Variants in ZBTB20 observed in about 807,000 individuals in gnomAD.
ZBTB20 encodes the protein zinc finger and BTB domain containing 20.
Under a neutral mutation model 56.9 loss-of-function variants are expected in ZBTB20, and 9 were observed. The ratio of observed to expected loss-of-function variants is 0.16; its 90% CI spans 0.10 to 0.28. ZBTB20 has a LOEUF of 0.28. ZBTB20 is among the 10% of genes least tolerant of loss of function. The pLI is 1.00. For missense variants in ZBTB20, 655 were observed against 1,003.0 expected, an observed-to-expected ratio of 0.65 and a Z score of 4.69; for synonymous variants, 417 against 420.7, an observed-to-expected ratio of 0.99 and a Z score of 0.11.
At chr3:114,811,218 T>C (rs1231584135) in intron 4 of ZBTB20, among the ~76,000 whole-genome samples, 1 of 152,164 alleles carries the variant, frequency 6.6e-6, no homozygotes, top group Non-Finnish European at 1.5e-5. Context: ...TGCCAGCTTA[T>C]TTTCTCACAG....
At chr3:114,641,657 A>C (rs890400883) in intron 6 of ZBTB20, among the ~76,000 whole-genome samples, 2 of 151,674 alleles carry the variant, frequency 1.3e-5, no homozygotes, top group African/African-American at 4.8e-5. Flanking sequence ...TAAAAAAGAG[A>C]TTCCTAGATC....
intron 4 of ZBTB20, among the ~76,000 whole-genome samples, chr3:114,883,485 C>G (rs535622673): frequency 9.9e-5 from 15 of 152,274 alleles, no homozygotes; most frequent in African/African-American, 3.6e-4. Context: ...GATTAATGCT[C>G]TCATATATAC....
At chr3:114,590,155 G>A (rs1385433910) in intron 6 of ZBTB20, among the ~76,000 whole-genome samples, 1 of 152,056 alleles carries the variant, frequency 6.6e-6, no homozygotes, top group Non-Finnish European at 1.5e-5. Flanking sequence ...TTCTTCACAA[G>A]TATTATAAAT....
chr3:114,775,167 T>C (rs974357689), intron 5 of ZBTB20, among the ~76,000 whole-genome samples: 13 of 152,024 alleles, frequency 8.6e-5, no homozygotes, highest in African/African-American at 3.1e-4. Flanking sequence ...TTTTCCTCAG[T>C]AAAATGCCAC....
intron 7 of ZBTB20, among the ~76,000 whole-genome samples, chr3:114,407,912 G>C (rs567828154): frequency 1.0e-5 from 1 of 97,026 alleles, no homozygotes; most frequent in Non-Finnish European, 1.9e-5. Flanking sequence ...ACCTATATGA[G>C]GGGGGGGAAA....
chr3:115,069,303 T>C (rs2082319856), intron 2 of ZBTB20, among the ~76,000 whole-genome samples: 1 of 152,154 alleles, frequency 6.6e-6, no homozygotes, highest in African/African-American at 2.4e-5. Context: ...TTTGTTTCTT[T>C]TTCCTTTGTT....
intron 1 of ZBTB20, among the ~76,000 whole-genome samples, chr3:115,128,380 T>G (rs1006811847): frequency 6.6e-6 from 1 of 152,024 alleles, no homozygotes; most frequent in Non-Finnish European, 1.5e-5. Context: ...AAAGCAAAGA[T>G]TGCCTGCATG....
intron 6 of ZBTB20, among the ~76,000 whole-genome samples, chr3:114,560,814 G>A (rs1392465152): frequency 6.6e-6 from 1 of 152,204 alleles, no homozygotes; most frequent in Middle Eastern, 3.4e-3. Flanking sequence ...AGACAACAAT[G>A]AAGTTTGCCA....
At chr3:114,580,115 T>C (rs980080902) in intron 6 of ZBTB20, among the ~76,000 whole-genome samples, 1 of 151,728 alleles carries the variant, frequency 6.6e-6, no homozygotes, top group African/African-American at 2.4e-5. Context: ...GTAAACATAC[T>C]ACATGTCAGT....
intron 10 of ZBTB20, among the ~76,000 whole-genome samples, chr3:114,373,262 C>G (rs962821122): frequency 5.6e-4 from 85 of 152,298 alleles, no homozygotes; most frequent in African/African-American, 1.8e-3. Context: ...AGGAAGGGTT[C>G]TTTTGCCTAT....
At chr3:114,458,213 C>T (rs1013105997) in intron 7 of ZBTB20, among the ~76,000 whole-genome samples, 3 of 152,112 alleles carry the variant, frequency 2.0e-5, no homozygotes, top group South Asian at 2.1e-4. Flanking sequence ...AATTCCAGTT[C>T]GGATAATTAC....
intron 2 of ZBTB20, among the ~76,000 whole-genome samples, chr3:115,026,281 T>C (rs919433505): frequency 6.6e-6 from 1 of 151,030 alleles, no homozygotes; most frequent in Non-Finnish European, 1.5e-5. Flanking sequence ...GTACTGTGCT[T>C]ACTGACAATC....
intron 5 of ZBTB20, among the ~76,000 whole-genome samples, chr3:114,756,188 ATGTG>A (rs1200843038): frequency 6.6e-6 from 1 of 152,222 alleles, no homozygotes; most frequent in Non-Finnish European, 1.5e-5. Flanking sequence ...ATATGTATGT[ATGTG>A]TATTTGGTAT....
At chr3:114,983,460 C>T (rs570298604) in intron 2 of ZBTB20, among the ~76,000 whole-genome samples, 2 of 151,952 alleles carry the variant, frequency 1.3e-5, no homozygotes, top group East Asian at 1.9e-4. Flanking sequence ...TTCTCAAGGC[C>T]GTTCTTGTCT....
intron 2 of ZBTB20, among the ~76,000 whole-genome samples, chr3:115,011,397 A>G (rs752922697): frequency 2.0e-5 from 3 of 151,870 alleles, no homozygotes; most frequent in Non-Finnish European, 2.9e-5. Flanking sequence ...AAAGGATCCT[A>G]AAAGCACCAA....
chr3:114,323,960 A>T lies in ZBTB20; in HGVS notation c.*15045T>A, dbSNP rs1330179807. On this transcript the variant is annotated 3_prime_UTR_variant, in exon 12 of 12. Transcript: ENST00000675478. ...GCAGTGCAGTCATATTTAGTGCAAA[A>T]AAAAGCCCTATTATAACCCAAAGCT... The T allele has an allele frequency of 6.6e-6, 1 of 152,186 alleles. No homozygotes were observed. The highest frequency in any genetic ancestry group is 1.5e-5 in the Non-Finnish European group (1 of 68,034). The allele number at this position is 152,186 out of a possible 1,614,324, so 9.4% of individuals were successfully genotyped here.
intron 5 of ZBTB20, among the ~76,000 whole-genome samples, chr3:114,726,865 T>C (rs2065336284): frequency 7.4e-6 from 1 of 135,834 alleles, no homozygotes; most frequent in African/African-American, 2.8e-5. Context: ...TGAGCCGAGA[T>C]TGTGCCACTG....
chr3:114,384,100 T>TTCTCTCTCTCTCTC lies in ZBTB20; in HGVS notation c.-153-3174_-153-3161dup, dbSNP rs57746371. On this transcript the variant is annotated intron_variant, in intron 8 of 11. Coordinates refer to ENST00000675478, the MANE Select transcript of ZBTB20 (RefSeq NM_001348800.3). ...TCAGTCTCTTTCTTTTCAGTTCTCATTCTCTCTCTCTCTCTCTCTCTCTCT... is the reference window on the plus strand; with the variant it reads ...TCAGTCTCTTTCTTTTCAGTTCTCATTCTCTCTCTCTCTCTCTCTCTCTCTCTCTCTCTCTCTCT... Among the ~76,000 whole-genome samples, 257 of 139,324 alleles carry TTCTCTCTCTCTCTC rather than the reference T, an allele frequency of 1.8e-3. 1 individual carries two copies. The highest frequency in any genetic ancestry group is 3.7e-3 in the Middle Eastern group (1 of 270). The allele number at this position is 139,324 out of a possible 152,430, so 91.4% of individuals were successfully genotyped here.
At chr3:114,773,943 C>G (rs1017232476) in intron 5 of ZBTB20, among the ~76,000 whole-genome samples, 5 of 152,084 alleles carry the variant, frequency 3.3e-5, no homozygotes, top group African/African-American at 1.2e-4. Flanking sequence ...TTCTTTCTTA[C>G]TCATATTTTT....
Sources: gnomAD v4.1 joint callset for allele counts (sites outside exome capture counted in the v4.1 genomes callset) on GRCh38, gnomAD v4.1.1 for gene constraint, MANE v1.5 for transcripts, NCBI Gene and HGNC (gene_info 2026-07-23, HGNC 2026-07-21) for gene names.